The following OR7A10 variants were observed in gnomAD, a reference collection of about 807,000 sequenced individuals.
OR7A10 encodes the protein olfactory receptor family 7 subfamily A member 10, also known as olfactory receptor 7A10.
For missense variants in OR7A10, 358 were observed against 370.1 expected, an observed-to-expected ratio of 0.97 and a Z score of 0.27; for synonymous variants, 144 against 144.5, an observed-to-expected ratio of 1.00 and a Z score of 0.02.
At chr19:14,846,345 G>A (rs1203933184) in intron 1 of OR7A10, among the ~76,000 whole-genome samples, 1 of 151,948 alleles carries the variant, frequency 6.6e-6, no homozygotes, top group Non-Finnish European at 1.5e-5. Flanking sequence ...TAAAAGAAAC[G>A]AACTTATACA....
chr19:14,841,039 A>G lies in OR7A10; in HGVS notation c.839T>C (p.Val280Ala), dbSNP rs769113812. ...TGAAASVMYT[V>A]VTPMLNPFIY... The stretch of plus-strand genomic sequence containing the variant: ...GAAGGGGTTCAGCATGGGGGTGACC[A>G]CAGTGTACATCACTGAGGCTGCAGC... Residue 280 changes from valine (V) to alanine (A), a missense_variant, in exon 2 of 2, where the codon GTG becomes GCG. Physicochemically the swap from Val to Ala is moderately conservative, Grantham distance 64. Transcript: ENST00000641129. 2.5e-6 allele frequency: 4 copies of G among 1,613,972 alleles called. No individual in the cohort carries two copies. In the East Asian group the frequency reaches 6.7e-5, roughly 27 times the overall value.
rs886124952 is a variant in OR7A10 at position 14,844,668 on chromosome 19, T to TG, written c.-12-2780_-12-2779insC. ...CACTGTTGCCTTGAGTTCTGTGTTT[T>TG]TTTTTTTTTTTTGAGATGGAGTCTC... On this transcript the variant is annotated intron_variant, in intron 1 of 1. Transcript: ENST00000641129. Among the ~76,000 whole-genome samples the TG allele has an allele frequency of 3.9e-4, 52 of 133,730 alleles. 2 individuals carry two copies. The highest frequency in any genetic ancestry group is 1.4e-3 in the African/African-American group (51 of 36,050). The allele number at this position is 133,730 out of a possible 152,430, so 87.7% of individuals were successfully genotyped here. A position where few individuals can be genotyped will look rare whatever the true frequency, so the allele number is the denominator to read the frequency against.
chr19:14,844,664 G>GTTTTTTGTTTTTTTTTTTTTT (rs1555697160), intron 1 of OR7A10, among the ~76,000 whole-genome samples: 19 of 97,658 alleles, frequency 1.9e-4, no homozygotes, highest in African/African-American at 4.3e-4. Context: ...TGAGTTCTGT[G>GTTTTTTGTTTTTTTTTTTTTT]TTTTTTTTTT....
chr19:14,848,032 A>G (rs371640818), intron 1 of OR7A10, among the ~76,000 whole-genome samples: 3 of 151,752 alleles, frequency 2.0e-5, no homozygotes, highest in African/African-American at 7.3e-5. Context: ...CTGAGGCAGG[A>G]GAATTGCTTG....
intron 1 of OR7A10, among the ~76,000 whole-genome samples, chr19:14,843,808 T>C (rs959858682): frequency 2.0e-5 from 3 of 152,050 alleles, no homozygotes; most frequent in East Asian, 3.9e-4. Context: ...TTGCTGAGAA[T>C]GGAACAGAAA....
chr19:14,843,495 A>G (rs1033196550), intron 1 of OR7A10, among the ~76,000 whole-genome samples: 3 of 152,114 alleles, frequency 2.0e-5, no homozygotes, highest in Non-Finnish European at 1.5e-5. Context: ...CCTCCTGTCT[A>G]ACTGGAATTT....
chr19:14,842,274 T>C (rs2108522), intron 1 of OR7A10, among the ~76,000 whole-genome samples: 116,807 of 152,184 alleles, frequency 0.77, 45,287 homozygotes, highest in East Asian at 1. Context: ...TTTTTTGAGA[T>C]GGAGTCTCGC....
chr19:14,841,879 T>C lies in OR7A10; in HGVS notation c.-2A>G. The stretch of plus-strand genomic sequence containing the variant: ...TATTGTATTGTTCCATGATTTCATC[T>C]TGTGATGTGACTACCAGAGAGAGAG... On this transcript the variant is annotated 5_prime_UTR_variant, in exon 2 of 2. Coordinates refer to ENST00000641129, the MANE Select transcript of OR7A10 (RefSeq NM_001005190.2). The C allele has an allele frequency of 6.3e-7, 1 of 1,587,278 alleles. No individual in the cohort carries two copies. The highest frequency in any genetic ancestry group is 8.6e-7 in the Non-Finnish European group (1 of 1,162,278).
At chr19:14,847,220 C>T (rs1057150514) in intron 1 of OR7A10, among the ~76,000 whole-genome samples, 10 of 152,146 alleles carry the variant, frequency 6.6e-5, no homozygotes, top group Non-Finnish European at 1.5e-4. Flanking sequence ...ATCCATCATA[C>T]AAAAGCCAAG....
intron 1 of OR7A10, among the ~76,000 whole-genome samples, chr19:14,845,992 A>C (rs2044940864): frequency 6.6e-6 from 1 of 152,114 alleles, no homozygotes; most frequent in Non-Finnish European, 1.5e-5. Flanking sequence ...ATCTCTACTA[A>C]AAATACCAAA....
intron 1 of OR7A10, among the ~76,000 whole-genome samples, chr19:14,843,456 T>C (rs967147254): frequency 2.0e-5 from 3 of 152,260 alleles, no homozygotes; most frequent in Non-Finnish European, 4.4e-5. Flanking sequence ...GTTGTCACTA[T>C]GCTGTGCAGC....
In OR7A10 at chr19:14,841,820, C is replaced by G. The variant is rs780765600; in HGVS notation, c.58G>C (p.Glu20Gln). 8.1e-6 allele frequency: 13 copies of G among 1,613,396 alleles called. No individual in the cohort carries two copies. In the South Asian group the frequency reaches 1.4e-4, roughly 18 times the overall value. Residue 20 changes from glutamate (E) to glutamine (Q), a missense_variant, in exon 2 of 2, where the codon GAA (glutamate) becomes CAA (glutamine). Physicochemically the swap from Glu to Gln is conservative, Grantham distance 29. Transcript: ENST00000641129. ...AAGAGGAAGGCCTGCAATTCTGGTT[C>G]CTCTGAAATTCCCAGGAGAAGAAAT... ...LEFLLLGISEEPELQAFLFGL... is the reference protein window; with the variant it reads ...LEFLLLGISEQPELQAFLFGL...
chr19:14,846,709 CAA>C (rs60087409), intron 1 of OR7A10, among the ~76,000 whole-genome samples: 2 of 64,028 alleles, frequency 3.1e-5, no homozygotes, highest in South Asian at 6.9e-4. Flanking sequence ...GACTCCATCT[CAA>C]AAAAAAAAAA....
At chr19:14,846,928 A>G (rs1013462547) in intron 1 of OR7A10, among the ~76,000 whole-genome samples, 2 of 152,154 alleles carry the variant, frequency 1.3e-5, no homozygotes, top group African/African-American at 4.8e-5. Flanking sequence ...CAGCCAAAAG[A>G]TGCAGAAGAA....
At position 14,840,968 on chromosome 19, in the gene OR7A10, AT is replaced by A; in HGVS notation, c.909del (p.Phe304SerfsTer21). On this transcript the variant is annotated frameshift_variant, in exon 2 of 2. Transcript: ENST00000641129. LOFTEE classifies it low-confidence loss of function (END_TRUNC). ...CCTTTCTATTGCTTTCCTCTGAAGA[AT>A]GTTTTCATAGCACCCTTTATGTGTT... ...RNKHIKGAMKTFFRGKQ is the reference protein window; with the variant it reads ...RNKHIKGAMKXFFRGKQ The A allele has an allele frequency of 6.2e-7, 1 of 1,610,184 alleles. No individual in the cohort carries two copies.
Position 14,841,590 on chromosome 19 carries a change from G to T in OR7A10, c.288C>A (p.Gly96=), listed in dbSNP as rs1332104896. The change falls in exon 2 of 2, where the codon GGC becomes GGA. Residue 96 remains glycine (G), a synonymous_variant. Coordinates refer to ENST00000641129, the MANE Select transcript of OR7A10 (RefSeq NM_001005190.2). ...QTHNKVITYA[G]CITQMCFFLL... ...AGAAAAAGCACATCTGGGTGATGCA[G>T]CCTGCATAGGTGATGACTTTGTTGT... The T allele has an allele frequency of 1.9e-6, 3 of 1,614,078 alleles. No homozygotes were observed. The African/African-American group carries it at 4.0e-5, about 22-fold the overall frequency.
At chr19:14,845,070 A>AAACACACAC (rs1568259156) in intron 1 of OR7A10, among the ~76,000 whole-genome samples, 18 of 141,702 alleles carry the variant, frequency 1.3e-4, no homozygotes, top group African/African-American at 4.5e-4. Context: ...CACACACACA[A>AAACACACAC]ACACACACAC....
rs943279692 is a variant in OR7A10, at chr19:14,844,768, T to C, written c.-12-2879A>G. Among the ~76,000 whole-genome samples the C allele has an allele frequency of 4.7e-5, 7 of 149,422 alleles. No individual in the cohort carries two copies. The East Asian group carries it at 1.4e-3, about 30-fold the overall frequency. ...ACCTCTGCCTCCTGGGCTCAAGTGA[T>C]TCTCCTGCCTCAGCCCCCTGAGTAG... On this transcript the variant is annotated intron_variant, in intron 1 of 1. Transcript: ENST00000641129.
Position 14,840,693 on chromosome 19 carries a change from C to A in OR7A10, c.*255G>T. ...TCCTCTACTTCAATGAGTAGATGTA[C>A]CCCAACGAAAACAAATATTCCATAG... On this transcript the variant is annotated 3_prime_UTR_variant, in exon 2 of 2. Coordinates refer to ENST00000641129, the MANE Select transcript of OR7A10 (RefSeq NM_001005190.2). 1 of 320,152 alleles carries A rather than the reference C, an allele frequency of 3.1e-6. No individual in the cohort carries two copies. Among genetic ancestry groups the A allele is most frequent in the African/African-American group, 2.1e-5 (1 of 46,990 alleles). 19.8% of individuals were successfully genotyped at this position (320,152 alleles called of 1,614,324 possible).
Sources: allele counts gnomAD v4.1 joint callset (sites outside exome capture counted in the v4.1 genomes callset), GRCh38; gene constraint gnomAD v4.1.1; transcripts MANE v1.5; gene names NCBI Gene and HGNC (gene_info 2026-07-23, HGNC 2026-07-21).